The following ZNF765 variants were observed in gnomAD, a reference collection of about 807,000 sequenced individuals.
ZNF765 encodes zinc finger protein 765.
In ZNF765, 37 loss-of-function variants were observed where a neutral mutation model predicts 44.7. That is an observed-to-expected ratio of 0.83 (90% CI 0.64 to 1.09). ZNF765 has a LOEUF of 1.09. Ranked by LOEUF, ZNF765 falls within the 50% of genes least tolerant of loss-of-function variation. ZNF765 has a pLI of 0.00. For synonymous variants in ZNF765, 201 were observed against 213.7 expected, an observed-to-expected ratio of 0.94 and a Z score of 0.52; for missense variants, 594 against 626.1, an observed-to-expected ratio of 0.95 and a Z score of 0.55.
chr19:53,425,902 A>G (rs2085936262), exon 4 of ZNF765: 1 of 152,376 alleles, frequency 6.6e-6, no homozygotes, highest in Non-Finnish European at 1.5e-5. Context: ...GATCGAAACC[A>G]TCCTGGCCAA....
chr19:53,421,020 A>T (rs4803107), intron 3 of ZNF765, among the ~76,000 whole-genome samples: 41,755 of 152,106 alleles, frequency 0.27, 7,159 homozygotes, highest in South Asian at 0.38. Context: ...ATCTGTCTCC[A>T]GCTCATCCCT....
chr19:53,412,862 A>G (rs10402828), downstream of ZNF765, among the ~76,000 whole-genome samples: 125,122 of 152,062 alleles, frequency 0.82, 51,780 homozygotes, highest in Admixed American at 0.87. Context: ...TTGTGCCGCA[A>G]TGAAGAGGAC....
chr19:53,413,745 A>G (rs2085851109), downstream of ZNF765, among the ~76,000 whole-genome samples: 1 of 151,196 alleles, frequency 6.6e-6, no homozygotes, highest in South Asian at 2.1e-4. Context: ...TTCACGACAG[A>G]CCCTTGGACT....
At chr19:53,401,868 TC>T in intron 2 of ZNF765, 196 bp from the exon 3 acceptor site, 1 of 1,376,164 alleles carries the variant, frequency 7.3e-7, no homozygotes, top group Non-Finnish European at 9.8e-7. Flanking sequence ...AGAGTGAGAC[TC>T]CACCTTTAAA....
downstream of ZNF765, among the ~76,000 whole-genome samples, chr19:53,415,284 A>G: frequency 6.6e-6 from 1 of 151,476 alleles, no homozygotes. Flanking sequence ...AAAAAAAAAG[A>G]AAAGAAAAAG....
Position 53,409,291 on chromosome 19 carries a change from G to C in ZNF765, c.*164G>C, listed in dbSNP as rs762434392. 8.5e-5 allele frequency: 83 copies of C among 980,420 alleles called. No homozygotes were observed. The highest frequency in any genetic ancestry group is 1.3e-4 in the Non-Finnish European group (76 of 606,662). The allele number at this position is 980,420 out of a possible 1,614,324, so 60.7% of individuals were successfully genotyped here. ...TCGTACTGAAGAGAATCTTACAAGT[G>C]TAATGAGTGTGGCAAGACCTTGAGT... On this transcript the variant is annotated 3_prime_UTR_variant, in exon 4 of 4. Transcript: ENST00000396408.
At chr19:53,425,699 G>C (rs1252238345) in exon 4 of ZNF765, 1 of 152,244 alleles carries the variant, frequency 6.6e-6, no homozygotes, top group African/African-American at 2.4e-5. Flanking sequence ...ACGCAGGGGT[G>C]GGTAAAGGTG....
At chr19:53,404,050 T>G (rs1375210022) in intron 3 of ZNF765, among the ~76,000 whole-genome samples, 4 of 152,242 alleles carry the variant, frequency 2.6e-5, no homozygotes, top group Non-Finnish European at 2.9e-5. Flanking sequence ...AGTTTCTGTA[T>G]GTGTCCTGTT....
At chr19:53,426,026 T>A (rs1350999064) in exon 4 of ZNF765, 1 of 152,316 alleles carries the variant, frequency 6.6e-6, no homozygotes, top group Non-Finnish European at 1.5e-5. Flanking sequence ...AGGCGTTATC[T>A]CCTGTCCGGG....
exon 4 of ZNF765, chr19:53,423,896 A>C (rs1474054328): frequency 1.3e-5 from 2 of 157,662 alleles, no homozygotes; most frequent in Non-Finnish European, 2.8e-5. Flanking sequence ...AGCTCTGTGG[A>C]AAAAGTGGAA....
Position 53,409,691 on chromosome 19 carries a change from A to C in ZNF765, c.*564A>C. On this transcript the variant is annotated 3_prime_UTR_variant, in exon 4 of 4. Transcript: ENST00000396408. The stretch of plus-strand genomic sequence containing the variant: ...GCCATCGTAGACTTCATACTGGAGG[A>C]TACCTTACAAATGTAATGAGTGTGG... 9.4e-7 allele frequency: 1 copy of C among 1,068,080 alleles called. No individual in the cohort carries two copies. The highest frequency in any genetic ancestry group is 1.4e-6 in the Non-Finnish European group (1 of 689,732). The allele number at this position is 1,068,080 out of a possible 1,614,324, so 66.2% of individuals were successfully genotyped here. A position where few individuals can be genotyped will look rare whatever the true frequency, so the allele number is the denominator to read the frequency against.
At chr19:53,412,832 C>CA (rs923772376), downstream of ZNF765, among the ~76,000 whole-genome samples, 18 of 150,668 alleles carry the variant, frequency 1.2e-4, no homozygotes, top group African/African-American at 3.2e-4. Context: ...ATCAGTTTTA[C>CA]AAAAAAAAAT....
At chr19:53,416,341 G>A (rs1045633830), downstream of ZNF765, among the ~76,000 whole-genome samples, 6 of 152,256 alleles carry the variant, frequency 3.9e-5, no homozygotes, top group Non-Finnish European at 8.8e-5. Context: ...AAGAGGCAGA[G>A]GATGCAGTGA....
chr19:53,401,322 G>C (rs923568112), intron 2 of ZNF765, among the ~76,000 whole-genome samples: 1 of 152,070 alleles, frequency 6.6e-6, no homozygotes, highest in Non-Finnish European at 1.5e-5. Flanking sequence ...CCAGCACTTT[G>C]GGAGGCCGAG....
downstream of ZNF765, among the ~76,000 whole-genome samples, chr19:53,414,506 C>CAG (rs2085863033): frequency 1.4e-5 from 1 of 69,142 alleles, no homozygotes; most frequent in East Asian, 4.2e-4. Context: ...CCCCCCCCCC[C>CAG]CCCGGGGAAA....
At chr19:53,419,732 A>C (rs2085896279) in intron 3 of ZNF765, among the ~76,000 whole-genome samples, 1 of 152,110 alleles carries the variant, frequency 6.6e-6, no homozygotes, top group African/African-American at 2.4e-5. Context: ...AAAATAAATA[A>C]ATGTGGCCGG....
At chr19:53,403,699 C>T (rs548328191) in intron 3 of ZNF765, among the ~76,000 whole-genome samples, 7 of 152,244 alleles carry the variant, frequency 4.6e-5, no homozygotes, top group Admixed American at 1.3e-4. Flanking sequence ...ACAAATTAGC[C>T]GGACACTGTG....
At chr19:53,417,255 A>G (rs2085880622) in intron 3 of ZNF765, among the ~76,000 whole-genome samples, 1 of 152,286 alleles carries the variant, frequency 6.6e-6, no homozygotes, top group East Asian at 1.9e-4. Flanking sequence ...CCCACTAATC[A>G]TATTTCCTGA....
chr19:53,400,765 T>TACAC (rs200622479), intron 2 of ZNF765, among the ~76,000 whole-genome samples: 6 of 127,970 alleles, frequency 4.7e-5, no homozygotes, highest in African/African-American at 1.5e-4. Flanking sequence ...TTTGTTGACA[T>TACAC]ATATATATAT....
Sources: gnomAD v4.1 joint callset for allele counts (sites outside exome capture counted in the v4.1 genomes callset) on GRCh38, gnomAD v4.1.1 for gene constraint, MANE v1.5 for transcripts, NCBI Gene and HGNC (gene_info 2026-07-23, HGNC 2026-07-21) for gene names.